Variants in EPS15L1 observed in about 807,000 individuals in gnomAD.
EPS15L1 encodes epidermal growth factor receptor pathway substrate 15 like 1.
EPS15L1 carries 43 observed loss-of-function variants against 117.1 expected under a neutral mutation model. That is an observed-to-expected ratio of 0.37 (90% confidence interval 0.29 to 0.47). The LOEUF (loss-of-function observed/expected upper bound fraction) is 0.47, where lower values mean the gene tolerates loss of function less well. Among genes scored for constraint, EPS15L1 ranks in the 20% least tolerant of loss-of-function variants. EPS15L1 has a pLI of 0.99. For missense variants in EPS15L1, 981 were observed against 1,164.0 expected (o/e 0.84, Z 2.29); for synonymous variants, 459 against 470.5 (o/e 0.98, Z 0.32).
intron 22 of EPS15L1, among the ~76,000 whole-genome samples, chr19:16,366,559 G>A (rs964998636): frequency 3.3e-5 from 5 of 152,158 alleles, no homozygotes; most frequent in Admixed American, 1.3e-4. Context: ...TGCCGAAACC[G>A]TTGTTATTTA....
intron 10 of EPS15L1, among the ~76,000 whole-genome samples, chr19:16,418,892 AC>A (rs1453076395): frequency 6.6e-6 from 1 of 151,152 alleles, no homozygotes; most frequent in African/African-American, 2.4e-5. Context: ...ACAGACTTCC[AC>A]CCCCCAGAGC....
chr19:16,434,071 C>T (rs1462504142), intron 7 of EPS15L1, among the ~76,000 whole-genome samples: 4 of 152,222 alleles, frequency 2.6e-5, no homozygotes, highest in African/African-American at 7.2e-5. Flanking sequence ...TAAGACTGAG[C>T]TCTACTGGTC....
intron 16 of EPS15L1, among the ~76,000 whole-genome samples, chr19:16,399,722 C>T (rs1480632296): frequency 6.6e-6 from 1 of 151,376 alleles, no homozygotes; most frequent in Non-Finnish European, 1.5e-5. Context: ...GCTGTGTCAC[C>T]CAGGCTGGAG....
chr19:16,465,573 C>T (rs1421596160), intron 1 of EPS15L1, among the ~76,000 whole-genome samples: 1 of 152,050 alleles, frequency 6.6e-6, no homozygotes, highest in Non-Finnish European at 1.5e-5. Flanking sequence ...GTCTCAGTTC[C>T]TTGAGAGGCT....
intron 9 of EPS15L1, among the ~76,000 whole-genome samples, chr19:16,421,859 G>A (rs1255737477): frequency 2.0e-5 from 3 of 152,068 alleles, no homozygotes; most frequent in Non-Finnish European, 2.9e-5. Flanking sequence ...GAACCGGCCC[G>A]GCCACATGCC....
Position 16,434,493 on chromosome 19 carries a change from A to G in EPS15L1, c.373-3T>C, listed in dbSNP as rs2092959937. 1 of 1,613,212 alleles carries G rather than the reference A, an allele frequency of 6.2e-7. No homozygotes were observed. Among genetic ancestry groups the G allele is most frequent in the African/African-American group, 1.3e-5 (1 of 75,004 alleles). ...TCAAATTTGGCCTTTTCTTCCACCT[A>G]GTTGGAAAGAAATAGCCCGAGTAAG... On this transcript the variant is annotated splice_polypyrimidine_tract_variant and splice_region_variant and intron_variant, in intron 6 of 23. Transcript: ENST00000455140.
At position 16,417,490 on chromosome 19, in the gene EPS15L1, T is replaced by C. The variant is rs2092769692; in HGVS notation, c.1193+62A>G. 57 of 1,392,502 alleles carry C rather than the reference T, an allele frequency of 4.1e-5. No homozygotes were observed. The East Asian group carries it at 1.3e-3, about 32-fold the overall frequency. 86.3% of individuals were successfully genotyped at this position (1,392,502 alleles called of 1,614,324 possible). Reference sequence around the variant, plus strand: ...CCAGGTGAGCCTCTGATATTTCCGATAACAACCTGGGAGAGTTCGTGTAAC... The same window carrying C: ...CCAGGTGAGCCTCTGATATTTCCGACAACAACCTGGGAGAGTTCGTGTAAC... On this transcript the variant is annotated intron_variant, in intron 12 of 23. Coordinates refer to ENST00000455140, the MANE Select transcript of EPS15L1 (RefSeq NM_001258374.3).
At chr19:16,382,042 C>T (rs982942306) in intron 21 of EPS15L1, among the ~76,000 whole-genome samples, 3 of 152,224 alleles carry the variant, frequency 2.0e-5, no homozygotes, top group Non-Finnish European at 4.4e-5. Context: ...TCAGCCTGGA[C>T]GTCCAAAGTT....
chr19:16,431,086 A>C (rs756906563), intron 7 of EPS15L1, among the ~76,000 whole-genome samples: 2 of 151,730 alleles, frequency 1.3e-5, no homozygotes, highest in South Asian at 2.1e-4. Flanking sequence ...TAAAAATATA[A>C]AAATTAGCTG....
intron 1 of EPS15L1, among the ~76,000 whole-genome samples, chr19:16,457,440 G>T (rs895841583): frequency 1.3e-5 from 2 of 152,200 alleles, no homozygotes; most frequent in Non-Finnish European, 2.9e-5. Flanking sequence ...GGGAGACTCA[G>T]TCAAGCGAGG....
chr19:16,415,480 G>A (rs928131047), intron 12 of EPS15L1, among the ~76,000 whole-genome samples: 33 of 152,138 alleles, frequency 2.2e-4, no homozygotes, highest in African/African-American at 7.7e-4. Flanking sequence ...GGGACATGTC[G>A]CCAGACACAC....
At chr19:16,367,497 TAAAAAAAAAA>T (rs71178691) in intron 22 of EPS15L1, among the ~76,000 whole-genome samples, 10 of 65,304 alleles carry the variant, frequency 1.5e-4, no homozygotes, top group South Asian at 8.0e-4. Context: ...TATGTGCTGT[TAAAAAAAAAA>T]AAAAAAAAAA....
chr19:16,436,714 T>G, intron 6 of EPS15L1: 1 of 457,304 alleles, frequency 2.2e-6, no homozygotes, highest in East Asian at 3.3e-5. Flanking sequence ...CAACTCCCAA[T>G]TCCAGTGAAG....
In EPS15L1 at chr19:16,404,647, C is replaced by T. The variant is rs916385335; in HGVS notation, c.1369G>A (p.Ala457Thr). The T allele has an allele frequency of 6.2e-7, 1 of 1,614,086 alleles. No individual in the cohort carries two copies. The highest frequency in any genetic ancestry group is 1.3e-5 in the African/African-American group (1 of 74,922). Residue 457 changes from alanine (A) to threonine (T), a missense_variant, in exon 14 of 24, where the codon GCC (alanine) becomes ACC (threonine). Physicochemically the swap from Ala to Thr is moderately conservative, Grantham distance 58. Transcript: ENST00000455140. The surrounding 1 kb of genome is among the most constrained non-coding windows in gnomAD (Gnocchi z 4.2). Reference sequence around the variant, plus strand: ...TCGCTCAGCATGTCTCGGAGCTTGGCCTTCTGCTGGTCCATCTCGTCCAGG... The same window carrying T: ...TCGCTCAGCATGTCTCGGAGCTTGGTCTTCTGCTGGTCCATCTCGTCCAGG... ...DRLDEMDQQK[A>T]KLRDMLSDVR...
chr19:16,412,723 G>A (rs1401989736), intron 13 of EPS15L1: 1 of 170,042 alleles, frequency 5.9e-6, no homozygotes, highest in Non-Finnish European at 1.2e-5. Flanking sequence ...TGGGGGGGGG[G>A]GGGGTGTCAG....
intron 11 of EPS15L1, 36 bp downstream of exon 11, chr19:16,417,912 T>C (rs371903110): frequency 1.3e-6 from 2 of 1,588,690 alleles, no homozygotes; most frequent in East Asian, 2.2e-5. Flanking sequence ...TGGGAAGGGA[T>C]GTCAATACCC....
At chr19:16,387,928 G>A (rs1335314388) in intron 19 of EPS15L1, among the ~76,000 whole-genome samples, 1 of 152,210 alleles carries the variant, frequency 6.6e-6, no homozygotes, top group Non-Finnish European at 1.5e-5. Flanking sequence ...TCAGGAACCT[G>A]TGGGACAATA....
intron 16 of EPS15L1, among the ~76,000 whole-genome samples, chr19:16,397,753 AC>A (rs2092555173): frequency 6.6e-6 from 1 of 152,102 alleles, no homozygotes; most frequent in African/African-American, 2.4e-5. Context: ...AAAAATATTT[AC>A]TTTTGAAGAG....
Position 16,371,630 on chromosome 19 carries a change from C to A in EPS15L1, c.2380+5492G>T, listed in dbSNP as rs909692122. On this transcript the variant is annotated intron_variant, in intron 22 of 23. Transcript: ENST00000455140. This position sits in a 1 kb window ranked among gnomAD's most constrained non-coding sequence, Gnocchi z 4.7. ...AACTGCGCTGGCTGGTGTCACCGGG[C>A]GCTGCAGGCAGGAACCGCAACGCAG... Among the ~76,000 whole-genome samples the A allele has an allele frequency of 6.6e-6, 1 of 152,120 alleles. No individual in the cohort carries two copies. Among genetic ancestry groups the A allele is most frequent in the Non-Finnish European group, 1.5e-5 (1 of 68,022 alleles).
Sources: allele counts gnomAD v4.1 joint callset (sites outside exome capture counted in the v4.1 genomes callset), GRCh38; gene constraint gnomAD v4.1.1; non-coding constraint Gnocchi (gnomAD v3.1); transcripts MANE v1.5; gene names NCBI Gene and HGNC (gene_info 2026-07-23, HGNC 2026-07-21).